Variants in ACER3 observed in about 807,000 individuals in gnomAD.
ACER3 encodes the protein alkaline ceramidase 3.
Under a neutral mutation model 48.9 loss-of-function variants are expected in ACER3, and 16 were observed. That is an observed-to-expected ratio of 0.33 (90% CI 0.22 to 0.50). The LOEUF is 0.50. ACER3 is among the 20% of genes least tolerant of loss of function. ACER3 has a pLI of 0.98. For missense variants in ACER3, 227 were observed against 326.0 expected (o/e 0.70, Z 2.34); for synonymous variants, 109 against 107.8 (o/e 1.01, Z -0.07).
chr11:76,863,751 T>C (rs1281013218), intron 1 of ACER3, among the ~76,000 whole-genome samples: 2 of 152,212 alleles, frequency 1.3e-5, no homozygotes, highest in African/African-American at 4.8e-5. Flanking sequence ...TCTTATCTCT[T>C]TTGATCTTTA....
chr11:76,979,362 C>T (rs1330818457), intron 4 of ACER3, among the ~76,000 whole-genome samples: 1 of 152,048 alleles, frequency 6.6e-6, no homozygotes, highest in African/African-American at 2.4e-5. Context: ...GATCTTTATC[C>T]AGAAACAATA....
intron 1 of ACER3, among the ~76,000 whole-genome samples, chr11:76,900,079 A>G (rs925393850): frequency 6.6e-6 from 1 of 152,232 alleles, no homozygotes; most frequent in Non-Finnish European, 1.5e-5. Flanking sequence ...CTGTAATCCT[A>G]TTGCTTTGGG....
intron 1 of ACER3, among the ~76,000 whole-genome samples, chr11:76,902,348 C>T (rs1467875767): frequency 6.6e-6 from 1 of 152,172 alleles, no homozygotes. Flanking sequence ...ATAGGCCTTT[C>T]CTTTAGCAAT....
chr11:76,905,554 G>C (rs1378737903), intron 1 of ACER3, among the ~76,000 whole-genome samples: 2 of 151,984 alleles, frequency 1.3e-5, no homozygotes, highest in Admixed American at 6.6e-5. Context: ...CACCAACTAG[G>C]AAGACTCTTC....
intron 2 of ACER3, among the ~76,000 whole-genome samples, chr11:76,949,002 C>G (rs887501014): frequency 6.6e-6 from 1 of 152,176 alleles, no homozygotes; most frequent in African/African-American, 2.4e-5. Context: ...AGTGATAAAT[C>G]TGGGATTCTA....
chr11:76,966,219 T>G (rs1332710479), intron 3 of ACER3, among the ~76,000 whole-genome samples: 6 of 152,006 alleles, frequency 3.9e-5, no homozygotes, highest in Admixed American at 3.3e-4. Flanking sequence ...AGAAGGCCAT[T>G]ACATAATGGT....
At chr11:76,938,927 A>G (rs1301524593) in intron 2 of ACER3, among the ~76,000 whole-genome samples, 1 of 150,854 alleles carries the variant, frequency 6.6e-6, no homozygotes, top group African/African-American at 2.4e-5. Flanking sequence ...CAGGGAAAGT[A>G]CAAGATAAGC....
At chr11:76,909,002 C>G (rs1946304056) in intron 1 of ACER3, among the ~76,000 whole-genome samples, 1 of 152,062 alleles carries the variant, frequency 6.6e-6, no homozygotes, top group Non-Finnish European at 1.5e-5. Context: ...ACAAACCTGA[C>G]AAAAACAAGA....
chr11:76,892,514 T>C (rs969096171), intron 1 of ACER3, among the ~76,000 whole-genome samples: 5 of 152,198 alleles, frequency 3.3e-5, no homozygotes, highest in Admixed American at 6.5e-5. Flanking sequence ...CACACTTGTC[T>C]TGGCTGACTG....
intron 2 of ACER3, among the ~76,000 whole-genome samples, chr11:76,934,696 C>T (rs529517664): frequency 2.1e-5 from 3 of 141,432 alleles, no homozygotes; most frequent in South Asian, 2.1e-4. Context: ...AGAGGGAGAC[C>T]GTGGGGAGAC....
chr11:76,887,925 C>A (rs1456936038), intron 1 of ACER3, among the ~76,000 whole-genome samples: 1 of 147,178 alleles, frequency 6.8e-6, no homozygotes. Flanking sequence ...CTCAAGCCAT[C>A]TTCCTGCCTC....
chr11:76,864,853 C>T (rs895577451), intron 1 of ACER3, among the ~76,000 whole-genome samples: 7 of 151,288 alleles, frequency 4.6e-5, no homozygotes, highest in Non-Finnish European at 7.4e-5. Context: ...ACCTGTTCAG[C>T]CTCCCAAAGT....
In ACER3 at chr11:77,015,020, T is replaced by C; in HGVS notation, c.502T>C (p.Tyr168His). Residue 168 changes from tyrosine to histidine, a missense_variant, in exon 8 of 11, where the codon TAT becomes CAT. Physicochemically the swap from Tyr to His is moderately conservative, Grantham distance 83. Around this residue, in one of 3 missense-constraint regions of ACER3, gnomAD observed 195 missense variants for 290.8 expected, o/e 0.67. Coordinates refer to ENST00000532485, the MANE Select transcript of ACER3 (RefSeq NM_018367.7). Reference protein sequence around the residue: ...LRSIYIVTWVYPWLRGLGYTS... With the variant: ...LRSIYIVTWVHPWLRGLGYTS... ...TTTCTGTTTTCCCCCCCACAGGGTT[T>C]ATCCATGGCTTAGAGGACTGGGTTA... 2 of 1,586,502 alleles carry C rather than the reference T, an allele frequency of 1.3e-6. No homozygotes were observed. Among genetic ancestry groups the C allele is most frequent in the Non-Finnish European group, 1.7e-6 (2 of 1,156,088 alleles).
chr11:76,900,540 C>T (rs930201620), intron 1 of ACER3, among the ~76,000 whole-genome samples: 1 of 152,108 alleles, frequency 6.6e-6, no homozygotes, highest in South Asian at 2.1e-4. Context: ...ACCCTTCTGG[C>T]CAGGTAAGGG....
At chr11:76,999,441 G>A (rs576446614) in intron 7 of ACER3, among the ~76,000 whole-genome samples, 19 of 149,436 alleles carry the variant, frequency 1.3e-4, no homozygotes, top group African/African-American at 4.2e-4. Flanking sequence ...GCATACATTT[G>A]TAAAAAATAA....
chr11:76,989,014 G>A (rs1323336327), intron 5 of ACER3, among the ~76,000 whole-genome samples: 1 of 128,586 alleles, frequency 7.8e-6, no homozygotes, highest in African/African-American at 2.5e-5. Flanking sequence ...CACATAGGAA[G>A]GACTCCATAA....
intron 1 of ACER3, among the ~76,000 whole-genome samples, chr11:76,871,528 GA>G (rs1381236299): frequency 6.6e-6 from 1 of 152,214 alleles, no homozygotes; most frequent in Non-Finnish European, 1.5e-5. Context: ...GCAATTGGTT[GA>G]AAGAGTTAAG....
intron 2 of ACER3, among the ~76,000 whole-genome samples, chr11:76,935,059 C>T (rs544856187): frequency 8.2e-4 from 124 of 151,880 alleles, no homozygotes; most frequent in Non-Finnish European, 1.3e-3. Flanking sequence ...TCAAAAAAGA[C>T]GAAACAAAAT....
At chr11:77,002,142 C>T (rs1339854230) in intron 7 of ACER3, among the ~76,000 whole-genome samples, 1 of 97,394 alleles carries the variant, frequency 1.0e-5, no homozygotes, top group African/African-American at 3.6e-5. Context: ...TTAATTATCT[C>T]TTTAAAGAAC....
Sources: allele counts gnomAD v4.1 joint callset (sites outside exome capture counted in the v4.1 genomes callset), GRCh38; gene constraint gnomAD v4.1.1; regional missense constraint gnomAD v4.1.1; transcripts MANE v1.5; gene names NCBI Gene and HGNC (gene_info 2026-07-23, HGNC 2026-07-21).